The following MAP4 variants were observed in gnomAD, a reference collection of about 807,000 sequenced individuals.
MAP4 encodes microtubule associated protein 4.
MAP4 carries 76 observed loss-of-function variants against 170.2 expected under a neutral mutation model. The observed-to-expected ratio is 0.45, with a 90% confidence interval of 0.37 to 0.54. MAP4 has a LOEUF of 0.54. Ranked by LOEUF, MAP4 falls within the 20% of genes least tolerant of loss-of-function variation. MAP4 has a pLI of 0.00. For missense variants in MAP4, 2,506 were observed against 2,748.0 expected (o/e 0.91, Z 1.97); for synonymous variants, 909 against 994.5 (o/e 0.91, Z 1.62).
intron 8 of MAP4, among the ~76,000 whole-genome samples, chr3:47,913,382 A>G (rs910389659): frequency 2.6e-5 from 4 of 152,172 alleles, no homozygotes; most frequent in Non-Finnish European, 4.4e-5. Flanking sequence ...CCTTTGTTTA[A>G]TATCTCAGGT....
chr3:48,031,223 G>T (rs964063751), intron 1 of MAP4, among the ~76,000 whole-genome samples: 1 of 152,046 alleles, frequency 6.6e-6, no homozygotes, highest in African/African-American at 2.4e-5. Context: ...ACCAACTTAG[G>T]CAAGCAACAT....
intron 1 of MAP4, among the ~76,000 whole-genome samples, chr3:48,073,304 C>CAA (rs1553753931): frequency 8.3e-6 from 1 of 120,798 alleles, no homozygotes; most frequent in African/African-American, 3.1e-5. Context: ...CACACACACA[C>CAA]AAATTAGCAT....
At chr3:47,863,913 T>C (rs1345654804) in intron 17 of MAP4, among the ~76,000 whole-genome samples, 1 of 131,622 alleles carries the variant, frequency 7.6e-6, no homozygotes, top group African/African-American at 3.3e-5. Context: ...TGTGTGTGTG[T>C]GGGTGTGGGT....
chr3:47,855,085 G>C lies in MAP4; in HGVS notation c.6696+163C>G, dbSNP rs1339269484. 2 of 609,758 alleles carry C rather than the reference G, an allele frequency of 3.3e-6. No homozygotes were observed. Among genetic ancestry groups the C allele is most frequent in the Admixed American group, 2.6e-5 (1 of 37,800 alleles). The allele number at this position is 609,758 out of a possible 1,614,324, so 37.8% of individuals were successfully genotyped here. On this transcript the variant is annotated intron_variant, in intron 19 of 20. Coordinates refer to ENST00000683076, the MANE Select transcript of MAP4 (RefSeq NM_001385682.1). This position sits in a 1 kb window ranked among gnomAD's most constrained non-coding sequence, Gnocchi z 5.1. The stretch of plus-strand genomic sequence containing the variant: ...GGCCTCTTCACTTCTGCCTCAGTCA[G>C]GACTGATGATACACGGTGGGAAAAC...
rs1239339254 is a variant in MAP4, at chr3:47,850,749, T to C, written c.*2185A>G. On this transcript the variant is annotated 3_prime_UTR_variant, in exon 21 of 21. Coordinates refer to ENST00000683076, the MANE Select transcript of MAP4 (RefSeq NM_001385682.1). ...TACTCTTAAAACTGTTACAACAGAA[T>C]CATGGACTGACACAGGTAATGGCTG... 6.5e-6 allele frequency: 1 copy of C among 153,140 alleles called. No homozygotes were observed. Among genetic ancestry groups the C allele is most frequent in the Non-Finnish European group, 1.5e-5 (1 of 68,772 alleles). 9.5% of individuals were successfully genotyped at this position (153,140 alleles called of 1,614,324 possible). A position where few individuals can be genotyped will look rare whatever the true frequency, so the allele number is the denominator to read the frequency against.
intron 11 of MAP4, 87 bp downstream of exon 11, chr3:47,877,330 T>C (rs779619773): frequency 8.7e-6 from 9 of 1,032,568 alleles, no homozygotes; most frequent in Non-Finnish European, 1.5e-6. Flanking sequence ...AAAAAAGAAA[T>C]TTCATTCGTG....
intron 1 of MAP4, among the ~76,000 whole-genome samples, chr3:48,009,189 C>T (rs898618220): frequency 1.8e-4 from 27 of 152,268 alleles, no homozygotes; most frequent in African/African-American, 6.5e-4. Flanking sequence ...CAACATCCGC[C>T]TCCCGGGTTC....
chr3:47,909,172 T>A lies in MAP4; in HGVS notation c.5249A>T (p.Lys1750Ile). ...TGCCATTCTGCTTTTATCTTCCTTT[T>A]TCCCTTCTCCTGGTGTCTTTGATTC... is the stretch of plus-strand genomic sequence containing the variant. ...KSESKTPGEG[K>I]KEDKSRMAEP... The change falls in exon 9 of 21, where the codon AAA (lysine) becomes ATA (isoleucine). Residue 1750 changes from lysine (K) to isoleucine (I), a missense_variant. Lys to Ile is a moderately radical substitution (Grantham distance 102). Around this residue, in one of 3 missense-constraint regions of MAP4, gnomAD observed 2,008 missense variants for 2,206.0 expected, o/e 0.91. Coordinates refer to ENST00000683076, the MANE Select transcript of MAP4 (RefSeq NM_001385682.1). The A allele has an allele frequency of 6.2e-7, 1 of 1,614,044 alleles. No homozygotes were observed. The highest frequency in any genetic ancestry group is 8.5e-7 in the Non-Finnish European group (1 of 1,179,902).
intron 1 of MAP4, among the ~76,000 whole-genome samples, chr3:48,081,051 G>A (rs562708015): frequency 2.6e-5 from 4 of 152,330 alleles, no homozygotes; most frequent in African/African-American, 4.8e-5. Context: ...GTGAACCCGG[G>A]AGGCAGAGCT....
chr3:47,959,958 G>C (rs1444840419), intron 3 of MAP4, among the ~76,000 whole-genome samples: 1 of 151,844 alleles, frequency 6.6e-6, no homozygotes, highest in Non-Finnish European at 1.5e-5. Context: ...TGCCTCCTGG[G>C]TTCAAGCAAT....
At chr3:47,936,980 CAAA>C (rs10711611) in intron 3 of MAP4, among the ~76,000 whole-genome samples, 6 of 94,428 alleles carry the variant, frequency 6.4e-5, no homozygotes, top group Admixed American at 2.3e-4. Flanking sequence ...AACTCCGTCT[CAAA>C]AAAAAAAAAA....
At chr3:48,065,451 C>T (rs1264887794) in intron 1 of MAP4, among the ~76,000 whole-genome samples, 3 of 152,180 alleles carry the variant, frequency 2.0e-5, no homozygotes, top group South Asian at 4.1e-4. Flanking sequence ...GCTTTCAATT[C>T]AAAGGCCACA....
Position 47,855,661 on chromosome 3 carries a change from C to G in MAP4, c.6584-301G>C, listed in dbSNP as rs532368469. On this transcript the variant is annotated intron_variant, in intron 18 of 20. Coordinates refer to ENST00000683076, the MANE Select transcript of MAP4 (RefSeq NM_001385682.1). The surrounding 1 kb of genome is among the most constrained non-coding windows in gnomAD (Gnocchi z 5.1). ...TTGGGCAGGCCTGGGGCTCCGAGCA[C>G]AGCCTCCAGGGCGAAGCCTCTGCTT... is the stretch of plus-strand genomic sequence containing the variant. Among the ~76,000 whole-genome samples, 26 of 152,210 alleles carry G rather than the reference C, an allele frequency of 1.7e-4. No individual in the cohort carries two copies. Among genetic ancestry groups the G allele is most frequent in the Non-Finnish European group, 2.4e-4 (16 of 68,036 alleles).
chr3:47,968,607 A>G (rs919485606), intron 3 of MAP4, among the ~76,000 whole-genome samples: 1 of 152,208 alleles, frequency 6.6e-6, no homozygotes, highest in Non-Finnish European at 1.5e-5. Flanking sequence ...AGGGAAATTT[A>G]TAGCCATAAA....
intron 1 of MAP4, among the ~76,000 whole-genome samples, chr3:48,005,054 C>A (rs541235503): frequency 6.6e-6 from 1 of 152,074 alleles, no homozygotes; most frequent in Non-Finnish European, 1.5e-5. Flanking sequence ...GGAGGAGGTG[C>A]GCTACACTCA....
At chr3:48,061,810 C>T (rs563022715) in intron 1 of MAP4, among the ~76,000 whole-genome samples, 533 of 150,004 alleles carry the variant, frequency 3.6e-3, no homozygotes, top group Non-Finnish European at 5.8e-3. Context: ...AGCCCCCACC[C>T]GGCCAGCCGC....
chr3:47,877,289 C>A (rs2095634360), intron 11 of MAP4, 128 bp downstream of exon 11: 16 of 702,282 alleles, frequency 2.3e-5, no homozygotes, highest in Non-Finnish European at 3.5e-5. Context: ...CTAAGCATGT[C>A]CAAACATGAG....
intron 1 of MAP4, among the ~76,000 whole-genome samples, chr3:48,030,296 C>T (rs2154515488): frequency 6.6e-6 from 1 of 151,738 alleles, no homozygotes; most frequent in Admixed American, 6.6e-5. Flanking sequence ...TAATTAAAAT[C>T]TTCAGGGGAC....
intron 17 of MAP4, among the ~76,000 whole-genome samples, chr3:47,862,301 A>C (rs565050680): frequency 7.0e-6 from 1 of 143,054 alleles, no homozygotes; most frequent in Non-Finnish European, 1.5e-5. Context: ...ATGATTTTAA[A>C]TGTGTTATAG....
Sources: gnomAD v4.1 joint callset for allele counts (sites outside exome capture counted in the v4.1 genomes callset) on GRCh38, gnomAD v4.1.1 for gene constraint, gnomAD v4.1.1 regional missense constraint, Gnocchi (gnomAD v3.1) non-coding constraint, MANE v1.5 for transcripts, NCBI Gene and HGNC (gene_info 2026-07-23, HGNC 2026-07-21) for gene names.